Variants in OR2L13 observed in about 807,000 individuals in gnomAD.
OR2L13 encodes the protein olfactory receptor 2L13.
In OR2L13, 14 loss-of-function variants were observed where a neutral mutation model predicts 15.3. The ratio of observed to expected loss-of-function variants is 0.91; its 90% CI spans 0.60 to 1.43. OR2L13 has a LOEUF of 1.43. Ranked by LOEUF, OR2L13 falls within the 40% of genes most tolerant of loss-of-function variation. The pLI is 0.00. For missense variants in OR2L13, 367 were observed against 387.9 expected (o/e 0.95, Z 0.45); for synonymous variants, 152 against 142.9 (o/e 1.06, Z -0.45).
chr1:248,079,182 T>C, the OR2L13 span, among the ~76,000 whole-genome samples: 485 of 152,278 alleles, frequency 3.2e-3, 8 homozygotes, highest in African/African-American at 0.011. Context: ...CAAAATGAAT[T>C]TCCTGGGTTT....
At chr1:247,965,559 T>C in the OR2L13 span, 2 of 1,607,826 alleles carry the variant, frequency 1.2e-6, no homozygotes, top group Non-Finnish European at 1.7e-6. Flanking sequence ...CAATGTACTT[T>C]CTGCTCAGTC....
Position 248,099,741 on chromosome 1 carries a change from T to A in OR2L13, c.366T>A (p.Tyr122Ter). 6.2e-7 allele frequency: 1 copy of A among 1,614,156 alleles called. No individual in the cohort carries two copies. Among genetic ancestry groups the A allele is most frequent in the Non-Finnish European group, 8.5e-7 (1 of 1,180,020 alleles). The stretch of plus-strand genomic sequence containing the variant: ...TGACCTCCATGGCCTACGACCGTTA[T>A]TTGGCCATCTGCCACTCTCTCTATT... Residue 122 changes from tyrosine (Y) to a stop codon, truncating the protein, a stop_gained, in exon 3 of 3, where the codon TAT (tyrosine) becomes TAA (stop). Coordinates refer to ENST00000641714, the Ensembl canonical transcript of OR2L13. LOFTEE classifies it high-confidence loss of function.
chr1:247,941,318 A>G, the OR2L13 span, among the ~76,000 whole-genome samples: 4 of 152,132 alleles, frequency 2.6e-5, no homozygotes, highest in Admixed American at 6.5e-5. Flanking sequence ...CAGGTAGAGG[A>G]GTAAGTATTT....
At chr1:248,080,196 T>C in the OR2L13 span, among the ~76,000 whole-genome samples, 1 of 152,224 alleles carries the variant, frequency 6.6e-6, no homozygotes, top group African/African-American at 2.4e-5. Flanking sequence ...ATTAACTGTA[T>C]TAAATAAATC....
the OR2L13 span, among the ~76,000 whole-genome samples, chr1:248,065,187 C>A: frequency 6.6e-6 from 1 of 152,150 alleles, no homozygotes; most frequent in South Asian, 2.1e-4. Flanking sequence ...AGCCATTTTT[C>A]TTTCCATCCA....
At chr1:248,069,816 G>T in the OR2L13 span, among the ~76,000 whole-genome samples, 1 of 152,026 alleles carries the variant, frequency 6.6e-6, no homozygotes, top group Non-Finnish European at 1.5e-5. Flanking sequence ...AAAGGCAGGG[G>T]TTGCAATCCT....
the OR2L13 span, among the ~76,000 whole-genome samples, chr1:248,078,966 TAGG>T: frequency 1.3e-5 from 2 of 152,126 alleles, no homozygotes; most frequent in Non-Finnish European, 2.9e-5. Flanking sequence ...CTCCAGACGT[TAGG>T]AGGTTTGGGG....
the OR2L13 span, among the ~76,000 whole-genome samples, chr1:248,020,418 A>G: frequency 1.3e-5 from 2 of 152,192 alleles, no homozygotes; most frequent in African/African-American, 2.4e-5. Flanking sequence ...CAGCAGTTCT[A>G]TTCACCAACA....
the OR2L13 span, among the ~76,000 whole-genome samples, chr1:248,044,016 A>T: frequency 6.6e-6 from 1 of 152,196 alleles, no homozygotes; most frequent in East Asian, 1.9e-4. Context: ...AACATTGTCA[A>T]TCTGTTTCCT....
the OR2L13 span, among the ~76,000 whole-genome samples, chr1:248,021,540 A>G: frequency 2.0e-5 from 3 of 152,186 alleles, no homozygotes; most frequent in Non-Finnish European, 4.4e-5. Flanking sequence ...CCAATGTTGC[A>G]TCATAGTGCC....
the OR2L13 span, among the ~76,000 whole-genome samples, chr1:248,046,080 C>A: frequency 1.1e-3 from 172 of 151,920 alleles, no homozygotes; most frequent in African/African-American, 3.9e-3. Context: ...GTAAGAAATT[C>A]GAGAACATTT....
the OR2L13 span, chr1:248,055,964 T>C: frequency 6.6e-6 from 1 of 152,224 alleles, no homozygotes; most frequent in Non-Finnish European, 1.5e-5. Context: ...TATTGGTCTA[T>C]TTAGGGATTC....
the OR2L13 span, chr1:248,038,844 G>T: frequency 3.1e-6 from 5 of 1,614,002 alleles, no homozygotes; most frequent in Admixed American, 1.7e-5. Flanking sequence ...AGACACTTGG[G>T]TCTATGAGAG....
chr1:248,088,147 C>A, the OR2L13 span, among the ~76,000 whole-genome samples: 44 of 152,080 alleles, frequency 2.9e-4, no homozygotes, highest in East Asian at 8.5e-3. Flanking sequence ...CACGAGGTAG[C>A]AGAGCGGAAG....
At chr1:247,977,896 C>G in the OR2L13 span, among the ~76,000 whole-genome samples, 3 of 152,238 alleles carry the variant, frequency 2.0e-5, no homozygotes, top group East Asian at 5.8e-4. Context: ...CTCCATCACT[C>G]ACTTCTCGAC....
At chr1:248,071,573 G>A in the OR2L13 span, among the ~76,000 whole-genome samples, 4 of 152,210 alleles carry the variant, frequency 2.6e-5, 1 homozygote, top group South Asian at 4.2e-4. Flanking sequence ...GCACAAGACA[G>A]GGATTCCCTC....
At chr1:248,085,447 A>AATAAAATAAAATAAAAT in the OR2L13 span, among the ~76,000 whole-genome samples, 1 of 133,838 alleles carries the variant, frequency 7.5e-6, no homozygotes, top group South Asian at 2.3e-4. Context: ...AATAAAATAA[A>AATAAAATAAAATAAAAT]AAAATGTGTG....
the OR2L13 span, among the ~76,000 whole-genome samples, chr1:248,010,412 G>A: frequency 5.7e-3 from 868 of 152,258 alleles, 13 homozygotes; most frequent in African/African-American, 0.018. Context: ...TTGATTTGGG[G>A]TGGAGAGTAC....
At chr1:248,037,043 TAG>T in the OR2L13 span, among the ~76,000 whole-genome samples, 1 of 152,114 alleles carries the variant, frequency 6.6e-6, no homozygotes, top group Non-Finnish European at 1.5e-5. Flanking sequence ...GATATTGAGA[TAG>T]AGAGTCTGCA....
Sources: gnomAD v4.1 joint callset for allele counts (sites outside exome capture counted in the v4.1 genomes callset) on GRCh38, gnomAD v4.1.1 for gene constraint, MANE v1.5 for transcripts, NCBI Gene and HGNC (gene_info 2026-07-23, HGNC 2026-07-21) for gene names.